The following JAKMIP2 variants were observed in gnomAD, a reference collection of about 807,000 sequenced individuals.
The protein encoded by JAKMIP2 is janus kinase and microtubule interacting protein 2, also known as janus kinase and microtubule-interacting protein 2.
In JAKMIP2, 25 loss-of-function variants were observed where a neutral mutation model predicts 115.0. That is an observed-to-expected ratio of 0.22 (90% CI 0.16 to 0.30). The LOEUF is 0.30. Ranked by LOEUF, JAKMIP2 falls within the 10% of genes least tolerant of loss-of-function variation. The probability of loss-of-function intolerance (pLI) is 1.00; values close to 1 mark genes in which losing one functional copy is unlikely to be tolerated. For synonymous variants in JAKMIP2, 334 were observed against 343.6 expected (o/e 0.97, Z 0.31); for missense variants, 642 against 957.6 (o/e 0.67, Z 4.35).
intron 18 of JAKMIP2, 83 bp downstream of exon 18, chr5:147,620,583 G>A: frequency 1.1e-6 from 1 of 917,044 alleles, no homozygotes; most frequent in South Asian, 1.5e-5. Flanking sequence ...CAAGTACATA[G>A]CATGGAAAAT....
intron 1 of JAKMIP2, among the ~76,000 whole-genome samples, chr5:147,755,283 C>A (rs1264208911): frequency 6.6e-6 from 1 of 152,060 alleles, no homozygotes; most frequent in Admixed American, 6.6e-5. Flanking sequence ...GGGACTGAAC[C>A]AATGTATATC....
chr5:147,623,523 T>C, intron 17 of JAKMIP2, 98 bp downstream of exon 17: 1 of 684,116 alleles, frequency 1.5e-6, no homozygotes, highest in Non-Finnish European at 2.6e-6. Flanking sequence ...GATGACAAAC[T>C]TTCATCAGTG....
chr5:147,689,653 T>C (rs10515590), intron 1 of JAKMIP2, among the ~76,000 whole-genome samples: 8,350 of 152,188 alleles, frequency 0.055, 597 homozygotes, highest in East Asian at 0.32. Context: ...GTTCCTAAAA[T>C]GTATAAAGCT....
At chr5:147,728,204 G>A (rs1753594079) in intron 1 of JAKMIP2, among the ~76,000 whole-genome samples, 1 of 152,120 alleles carries the variant, frequency 6.6e-6, no homozygotes, top group African/African-American at 2.4e-5. Context: ...TTGGCTCTTT[G>A]CACATTTGGA....
chr5:147,668,612 T>C (rs1402352162), intron 2 of JAKMIP2, among the ~76,000 whole-genome samples: 2 of 152,126 alleles, frequency 1.3e-5, no homozygotes, highest in African/African-American at 2.4e-5. Flanking sequence ...ATCTGTAAAG[T>C]AGGGATGACA....
rs555034724 is a variant in JAKMIP2 at position 147,752,196 on chromosome 5, C to A, written c.-149+30260G>T. Among the ~76,000 whole-genome samples, 13 of 152,148 alleles carry A rather than the reference C, an allele frequency of 8.5e-5. No individual in the cohort carries two copies. The South Asian group carries it at 2.7e-3, about 32-fold the overall frequency. On this transcript the variant is annotated intron_variant, in intron 1 of 21. Transcript: ENST00000616793. Reference sequence around the variant, plus strand: ...TGAGATGGGGAAGGCGAATTCCAGGCAATTAGTACAGAGGCCCTGTCAAGG... The same window carrying A: ...TGAGATGGGGAAGGCGAATTCCAGGAAATTAGTACAGAGGCCCTGTCAAGG...
At chr5:147,732,536 C>G (rs1396316213) in intron 1 of JAKMIP2, among the ~76,000 whole-genome samples, 3 of 152,136 alleles carry the variant, frequency 2.0e-5, no homozygotes, top group Admixed American at 2.0e-4. Flanking sequence ...TTCTCCTTGT[C>G]TGCCTCAATG....
chr5:147,765,237 A>C (rs1755114370), intron 1 of JAKMIP2, among the ~76,000 whole-genome samples: 2 of 152,104 alleles, frequency 1.3e-5, no homozygotes, highest in Non-Finnish European at 2.9e-5. Flanking sequence ...AGATCTGGGA[A>C]TATAAACCAA....
chr5:147,627,507 C>G (rs1042904486), intron 16 of JAKMIP2, among the ~76,000 whole-genome samples: 22 of 151,874 alleles, frequency 1.4e-4, no homozygotes, highest in Admixed American at 9.9e-4. Flanking sequence ...TAAATTTGGA[C>G]CTTCTGTTAG....
intron 21 of JAKMIP2, among the ~76,000 whole-genome samples, chr5:147,598,105 TCTC>T (rs994606727): frequency 6.6e-6 from 1 of 151,938 alleles, no homozygotes; most frequent in Non-Finnish European, 1.5e-5. Context: ...TTCAAGCAAT[TCTC>T]CTCCCTCAGC....
intron 1 of JAKMIP2, among the ~76,000 whole-genome samples, chr5:147,723,315 C>A (rs1753390784): frequency 6.6e-6 from 1 of 152,052 alleles, no homozygotes; most frequent in South Asian, 2.1e-4. Flanking sequence ...TTCAAACTAA[C>A]ATGTAAAGAT....
chr5:147,648,499 A>G (rs1227002630), intron 4 of JAKMIP2, 25 bp from the exon 5 acceptor site: 3 of 1,287,934 alleles, frequency 2.3e-6, no homozygotes, highest in Middle Eastern at 1.8e-4. Context: ...TAAAATGGGT[A>G]TTTCTTCAAC....
intron 17 of JAKMIP2, 114 bp downstream of exon 17, chr5:147,623,507 T>C: frequency 1.6e-6 from 1 of 611,512 alleles, no homozygotes; most frequent in South Asian, 2.2e-5. Context: ...AAAATAATAA[T>C]GGAAAGATGA....
At chr5:147,770,999 G>A (rs1333911183) in intron 1 of JAKMIP2, among the ~76,000 whole-genome samples, 1 of 152,040 alleles carries the variant, frequency 6.6e-6, no homozygotes, top group African/African-American at 2.4e-5. Flanking sequence ...AGGAAAGTGT[G>A]TTTATGTGGG....
chr5:147,665,724 A>AT (rs1759263824), intron 2 of JAKMIP2, among the ~76,000 whole-genome samples: 1 of 152,188 alleles, frequency 6.6e-6, no homozygotes, highest in South Asian at 2.1e-4. Flanking sequence ...GTTAAACTAG[A>AT]TTGTGTACGG....
Position 147,763,258 on chromosome 5 carries a change from A to G in JAKMIP2, c.-149+19198T>C, listed in dbSNP as rs79208314. On this transcript the variant is annotated intron_variant, in intron 1 of 21. Coordinates refer to ENST00000616793, the MANE Select transcript of JAKMIP2 (RefSeq NM_001270941.2). Reference sequence around the variant, plus strand: ...TGTTCAGACAGTCTTTGTTTTCTATATTCTAAATTACCCCCTTTCAGTTCT... The same window carrying G: ...TGTTCAGACAGTCTTTGTTTTCTATGTTCTAAATTACCCCCTTTCAGTTCT... Among the ~76,000 whole-genome samples the G allele has an allele frequency of 8.1e-3, 1,226 of 152,236 alleles. 14 individuals are homozygous for G. The highest frequency in any genetic ancestry group is 0.028 in the African/African-American group (1,153 of 41,560).
chr5:147,598,241 T>G (rs1163112555), intron 21 of JAKMIP2, among the ~76,000 whole-genome samples: 1 of 152,098 alleles, frequency 6.6e-6, no homozygotes, highest in Non-Finnish European at 1.5e-5. Flanking sequence ...CCTTGTGATC[T>G]GCCAGCCTCA....
At chr5:147,728,417 T>C (rs1313541999) in intron 1 of JAKMIP2, among the ~76,000 whole-genome samples, 2 of 152,188 alleles carry the variant, frequency 1.3e-5, no homozygotes, top group African/African-American at 4.8e-5. Flanking sequence ...AATATAAAAA[T>C]GGGATCCTTA....
chr5:147,719,475 G>A (rs1457496722), intron 1 of JAKMIP2, among the ~76,000 whole-genome samples: 1 of 149,872 alleles, frequency 6.7e-6, no homozygotes, highest in Non-Finnish European at 1.5e-5. Context: ...ATTAATGTGT[G>A]GGAGTCTAAG....
Sources: gnomAD v4.1 joint callset for allele counts (sites outside exome capture counted in the v4.1 genomes callset) on GRCh38, gnomAD v4.1.1 for gene constraint, MANE v1.5 for transcripts, NCBI Gene and HGNC (gene_info 2026-07-23, HGNC 2026-07-21) for gene names.